MACF1: variants seen among roughly 807,000 people sequenced by gnomAD.
MACF1 encodes microtubule actin crosslinking factor 1.
MACF1 carries 193 observed loss-of-function variants against 854.8 expected under a neutral mutation model. The observed-to-expected ratio is 0.23, with a 90% CI of 0.20 to 0.25. The LOEUF is 0.25. MACF1 is among the 10% of genes least tolerant of loss of function. MACF1 has a pLI of 1.00. For missense variants in MACF1, 7,722 were observed against 8,929.1 expected (o/e 0.86, Z 5.45); for synonymous variants, 3,185 against 3,226.7 (o/e 0.99, Z 0.44).
chr1:39,453,527 C>T (rs1431575370), intron 87 of MACF1, among the ~76,000 whole-genome samples, 180 bp from the exon 88 acceptor site: 1 of 152,150 alleles, frequency 6.6e-6, no homozygotes, highest in African/African-American at 2.4e-5. Flanking sequence ...TGTGTAAACC[C>T]CTCACCTTCC....
At chr1:39,119,147 C>T (rs188817133) in intron 2 of MACF1, among the ~76,000 whole-genome samples, 3 of 152,070 alleles carry the variant, frequency 2.0e-5, no homozygotes, top group Admixed American at 2.0e-4. Flanking sequence ...GGAGAAACCC[C>T]GTCTGTACTA....
At chr1:39,170,842 A>G (rs2148220780) in intron 2 of MACF1, among the ~76,000 whole-genome samples, 1 of 152,326 alleles carries the variant, frequency 6.6e-6, no homozygotes, top group Admixed American at 6.5e-5. Flanking sequence ...AAATGCTTCT[A>G]GGGCTCCAGG....
intron 95 of MACF1, among the ~76,000 whole-genome samples, chr1:39,466,425 T>C (rs1467578308): frequency 1.3e-5 from 2 of 152,180 alleles, no homozygotes; most frequent in Admixed American, 1.3e-4. Context: ...AAAGAGAGCT[T>C]TAGTGTGAAA....
At chr1:39,467,792 C>T (rs1249396089) in intron 95 of MACF1, 1 of 152,160 alleles carries the variant, frequency 6.6e-6, no homozygotes, top group African/African-American at 2.4e-5. Context: ...GGGTTAATTC[C>T]TGAAAACCTG....
chr1:39,097,348 AC>A (rs1641962968), intron 2 of MACF1, among the ~76,000 whole-genome samples: 1 of 152,112 alleles, frequency 6.6e-6, no homozygotes, highest in Non-Finnish European at 1.5e-5. Flanking sequence ...GTATAATTAA[AC>A]TAAATATCCA....
intron 20 of MACF1, 104 bp downstream of exon 20, chr1:39,295,986 C>A: frequency 1.0e-6 from 1 of 978,012 alleles, no homozygotes; most frequent in Non-Finnish European, 1.5e-6. Context: ...AAACCACCAC[C>A]TTAAAATTTA....
Position 39,388,528 on chromosome 1 carries a change from G to C in MACF1, c.15686G>C (p.Arg5229Pro). 1.2e-6 allele frequency: 2 copies of C among 1,614,198 alleles called. No homozygotes were observed. The highest frequency in any genetic ancestry group is 1.1e-5 in the South Asian group (1 of 91,088). The change falls in exon 58 of 101, where the codon CGT (arginine) becomes CCT (proline). Residue 5229 changes from arginine to proline, a missense_variant. Around this residue, in one of 15 missense-constraint regions of MACF1, gnomAD observed 2,807 missense variants for 3,235.8 expected, o/e 0.87. Coordinates refer to ENST00000564288, the MANE Select transcript of MACF1 (RefSeq NM_001394062.1). ...GAACAGCTGGAACTGACACTAGGCCGTGTAGAGGACTTCTACAGGAAATTG... is the reference window on the plus strand; with the variant it reads ...GAACAGCTGGAACTGACACTAGGCCCTGTAGAGGACTTCTACAGGAAATTG... The part of the protein sequence containing the change: ...RQEQLELTLG[R>P]VEDFYRKLKG...
intron 29 of MACF1, 43 bp downstream of exon 29, chr1:39,317,450 A>T (rs1368326761): frequency 6.3e-7 from 1 of 1,585,112 alleles, no homozygotes; most frequent in East Asian, 2.2e-5. Context: ...GAGTTCAGGG[A>T]CTAGGTCTTA....
intron 6 of MACF1, among the ~76,000 whole-genome samples, chr1:39,279,167 G>T (rs966309911): frequency 5.9e-5 from 9 of 152,128 alleles, no homozygotes. Context: ...GATTTCTTCT[G>T]TAGAAATGTA....
chr1:39,470,653 A>T (rs1179028981), intron 97 of MACF1, among the ~76,000 whole-genome samples: 1 of 152,234 alleles, frequency 6.6e-6, no homozygotes, highest in Non-Finnish European at 1.5e-5. Flanking sequence ...TCTACAAAAA[A>T]GTAATTTTGA....
chr1:39,207,954 T>G (rs1157904135), intron 1 of MACF1, among the ~76,000 whole-genome samples: 2 of 151,416 alleles, frequency 1.3e-5, no homozygotes, highest in Non-Finnish European at 2.9e-5. Flanking sequence ...GTCAACATGG[T>G]GAAACCCCAT....
chr1:39,410,549 A>G, intron 58 of MACF1: 1 of 1,614,060 alleles, frequency 6.2e-7, no homozygotes, highest in Non-Finnish European at 8.5e-7. Flanking sequence ...AAGCTGGATG[A>G]GAGGATAATA....
chr1:39,425,141 T>C (rs957582890), intron 61 of MACF1, among the ~76,000 whole-genome samples: 2 of 152,184 alleles, frequency 1.3e-5, no homozygotes, highest in African/African-American at 2.4e-5. Context: ...AAACCTCGAC[T>C]CCATTTTTAC....
At chr1:39,323,207 T>C (rs1333238110) in intron 33 of MACF1, among the ~76,000 whole-genome samples, 199 bp downstream of exon 33, 1 of 152,086 alleles carries the variant, frequency 6.6e-6, no homozygotes, top group Non-Finnish European at 1.5e-5. Flanking sequence ...CTGGGCATGG[T>C]GGCACACACC....
chr1:39,486,155 A>T lies in MACF1; in HGVS notation c.*361A>T, dbSNP rs1043139669. ...ATCTTTTAGGATTATTCCTAAATGC[A>T]TCTTCTTTATAAACTTGACTTGCTA... On this transcript the variant is annotated 3_prime_UTR_variant, in exon 101 of 101. Coordinates refer to ENST00000564288, the MANE Select transcript of MACF1 (RefSeq NM_001394062.1). 1 of 162,436 alleles carries T rather than the reference A, an allele frequency of 6.2e-6. No individual in the cohort carries two copies. The highest frequency in any genetic ancestry group is 1.3e-5 in the Non-Finnish European group (1 of 75,006). 10.1% of individuals were successfully genotyped at this position (162,436 alleles called of 1,614,324 possible).
intron 58 of MACF1, among the ~76,000 whole-genome samples, chr1:39,421,310 C>T (rs1022088169): frequency 1.3e-5 from 2 of 152,196 alleles, no homozygotes; most frequent in African/African-American, 4.8e-5. Context: ...TTTTAAAATT[C>T]TGTTGCACCA....
intron 56 of MACF1, 30 bp from the exon 57 acceptor site, chr1:39,385,404 C>T: frequency 6.2e-7 from 1 of 1,605,576 alleles, no homozygotes; most frequent in Non-Finnish European, 8.5e-7. Context: ...TTTTTCCTGT[C>T]TAAACATCTT....
At chr1:39,456,603 T>A (rs1301872167) in intron 89 of MACF1, 2 of 152,242 alleles carry the variant, frequency 1.3e-5, no homozygotes, top group East Asian at 3.8e-4. Flanking sequence ...ATGTACCTCC[T>A]CTCTGAGAGA....
chr1:39,304,567 TTTTTTTTTTTTCTTG>T lies in MACF1; in HGVS notation c.2789+1490_2789+1504del. ...TCCTTTCAAATTTTCTTTTCTTTCT[TTTTTTTTTTTTCTTG>T]AGACAGAGCCTTGCTCTGTCGCTCA... On this transcript the variant is annotated intron_variant, in intron 23 of 100. Coordinates refer to ENST00000564288, the MANE Select transcript of MACF1 (RefSeq NM_001394062.1). 9.0e-6 allele frequency: 7 copies of T among 781,986 alleles called. No individual in the cohort carries two copies. In the Middle Eastern group the frequency reaches 1.7e-3, roughly 195 times the overall value. 48.4% of individuals were successfully genotyped at this position (781,986 alleles called of 1,614,324 possible). A position where few individuals can be genotyped will look rare whatever the true frequency, so the allele number is the denominator to read the frequency against.
Sources: gnomAD v4.1 joint callset for allele counts (sites outside exome capture counted in the v4.1 genomes callset) on GRCh38, gnomAD v4.1.1 for gene constraint, gnomAD v4.1.1 regional missense constraint, MANE v1.5 for transcripts, NCBI Gene and HGNC (gene_info 2026-07-23, HGNC 2026-07-21) for gene names.